Variants in E2F5 observed in about 807,000 individuals in gnomAD.
The protein encoded by E2F5 is transcription factor E2F5.
Under a neutral mutation model 39.1 loss-of-function variants are expected in E2F5, and 23 were observed. The observed-to-expected ratio is 0.59, with a 90% confidence interval of 0.42 to 0.83. The LOEUF (loss-of-function observed/expected upper bound fraction) is 0.83. E2F5 is among the 40% of genes least tolerant of loss of function. The probability of loss-of-function intolerance (pLI) is 0.00; values close to 1 mark genes in which losing one functional copy is unlikely to be tolerated. For missense variants in E2F5, 365 were observed against 406.7 expected (o/e 0.90, Z 0.88); for synonymous variants, 145 against 157.8 (o/e 0.92, Z 0.61).
intron 7 of E2F5, chr8:85,213,464 C>T: frequency 5.9e-6 from 1 of 170,392 alleles, no homozygotes; most frequent in South Asian, 1.2e-4. Context: ...ATGGCGTGAA[C>T]CCGGGAGTCG....
chr8:85,187,996 AT>A (rs2136044241), intron 1 of E2F5, among the ~76,000 whole-genome samples: 1 of 152,286 alleles, frequency 6.6e-6, no homozygotes, highest in South Asian at 2.1e-4. Context: ...ACAATGCGGT[AT>A]TTTAAGCTGA....
intron 1 of E2F5, among the ~76,000 whole-genome samples, chr8:85,182,911 G>A (rs955586849): frequency 1.3e-5 from 2 of 152,002 alleles, no homozygotes; most frequent in African/African-American, 2.4e-5. Flanking sequence ...ATGCATACCC[G>A]TTTATGAGCC....
chr8:85,203,054 G>A (rs1303808249), intron 2 of E2F5, 40 bp from the exon 3 acceptor site: 2 of 1,348,964 alleles, frequency 1.5e-6, no homozygotes, highest in Non-Finnish European at 1.9e-6. Context: ...TATTAACCTA[G>A]ATCTGATACT....
chr8:85,211,643 GTTTT>G (rs950695727), intron 6 of E2F5, among the ~76,000 whole-genome samples: 37 of 52,212 alleles, frequency 7.1e-4, no homozygotes, highest in African/African-American at 3.3e-3. Flanking sequence ...GTTTGTTGTT[GTTTT>G]TTTTTTTTTT....
intron 3 of E2F5, among the ~76,000 whole-genome samples, chr8:85,203,753 G>A (rs1032806534): frequency 1.3e-5 from 2 of 150,472 alleles, no homozygotes; most frequent in Non-Finnish European, 3.0e-5. Context: ...GAGAACAGGG[G>A]TCTAAGTCGT....
intron 3 of E2F5, among the ~76,000 whole-genome samples, chr8:85,204,827 A>G (rs1039722264): frequency 3.3e-5 from 5 of 152,156 alleles, no homozygotes; most frequent in Non-Finnish European, 1.5e-5. Flanking sequence ...CCTCTGCCTT[A>G]ATCATCCCAG....
chr8:85,178,566 GAAAC>G (rs569119984), intron 1 of E2F5, among the ~76,000 whole-genome samples: 69 of 152,292 alleles, frequency 4.5e-4, no homozygotes, highest in Admixed American at 1.3e-3. Flanking sequence ...TAAAGTTTTA[GAAAC>G]AAACAAACAA....
At chr8:85,181,022 C>T (rs938783578) in intron 1 of E2F5, among the ~76,000 whole-genome samples, 2 of 151,924 alleles carry the variant, frequency 1.3e-5, no homozygotes, top group Non-Finnish European at 2.9e-5. Context: ...GCACTACAGG[C>T]GTACACCATT....
intron 3 of E2F5, among the ~76,000 whole-genome samples, chr8:85,205,096 T>C (rs1361347711): frequency 1.3e-5 from 2 of 152,254 alleles, no homozygotes; most frequent in Middle Eastern, 3.4e-3. Flanking sequence ...CATAGGAGAA[T>C]TGCTTGAACC....
chr8:85,186,807 A>G (rs1812352606), intron 1 of E2F5, among the ~76,000 whole-genome samples: 1 of 147,980 alleles, frequency 6.8e-6, no homozygotes, highest in African/African-American at 2.5e-5. Flanking sequence ...TGATATGTAT[A>G]TATAAGGTGT....
chr8:85,186,672 T>C (rs1253509195), intron 1 of E2F5, among the ~76,000 whole-genome samples: 1 of 147,660 alleles, frequency 6.8e-6, no homozygotes, highest in Non-Finnish European at 1.5e-5. Flanking sequence ...ATGGTATATA[T>C]GTAAGGTATA....
intron 1 of E2F5, chr8:85,187,539 T>A (rs1812369369): frequency 6.6e-6 from 1 of 152,196 alleles, no homozygotes; most frequent in Non-Finnish European, 1.5e-5. Flanking sequence ...TATTATTATA[T>A]AGTGACCTTT....
At chr8:85,191,417 G>A (rs1392459008) in intron 1 of E2F5, among the ~76,000 whole-genome samples, 1 of 152,092 alleles carries the variant, frequency 6.6e-6, no homozygotes, top group Non-Finnish European at 1.5e-5. Context: ...TAAGAAAATA[G>A]AATTTGAGTG....
At chr8:85,205,145 T>C (rs1289907456) in intron 3 of E2F5, among the ~76,000 whole-genome samples, 1 of 151,946 alleles carries the variant, frequency 6.6e-6, no homozygotes, top group African/African-American at 2.4e-5. Flanking sequence ...ATCACACTAC[T>C]GCACTTCAGC....
chr8:85,179,930 G>T (rs879884249), intron 1 of E2F5, among the ~76,000 whole-genome samples: 2 of 152,158 alleles, frequency 1.3e-5, no homozygotes, highest in African/African-American at 2.4e-5. Flanking sequence ...AAAGTGCTGG[G>T]ATTACAGGCG....
Position 85,203,128 on chromosome 8 carries a change from A to G in E2F5, c.379A>G (p.Ile127Val). ...TGCTGGCTGTAATACTAAAGAAGTC[A>G]TAGATAGATTAAGATATCTTAAAGC... is the stretch of plus-strand genomic sequence containing the variant. ...VGAGCNTKEVIDRLRYLKAEI... is the reference protein window; with the variant it reads ...VGAGCNTKEVVDRLRYLKAEI... The change falls in exon 3 of 8, where the codon ATA (isoleucine) becomes GTA (valine). Residue 127 changes from isoleucine (I) to valine (V), a missense_variant. Physicochemically the swap from Ile to Val is conservative, Grantham distance 29 (BLOSUM62 3). Transcript: ENST00000416274. 6.3e-7 allele frequency: 1 copy of G among 1,587,194 alleles called. No individual in the cohort carries two copies. Among genetic ancestry groups the G allele is most frequent in the Non-Finnish European group, 8.6e-7 (1 of 1,166,252 alleles).
At chr8:85,190,957 A>C (rs1046991102) in intron 1 of E2F5, among the ~76,000 whole-genome samples, 1 of 152,188 alleles carries the variant, frequency 6.6e-6, no homozygotes, top group African/African-American at 2.4e-5. Context: ...TGAGCCAAGA[A>C]GTGTGATAGC....
intron 7 of E2F5, chr8:85,212,478 G>A: frequency 3.2e-6 from 1 of 314,394 alleles, no homozygotes; most frequent in Non-Finnish European, 5.9e-6. Context: ...TGAAGGATCT[G>A]GTCCAAGAAG....
chr8:85,187,899 G>A (rs1563977322), intron 1 of E2F5: 1 of 152,004 alleles, frequency 6.6e-6, no homozygotes, highest in Non-Finnish European at 1.5e-5. Flanking sequence ...TTGTTGTCTA[G>A]TGGTATGTTT....
Sources: gnomAD v4.1 joint callset for allele counts (sites outside exome capture counted in the v4.1 genomes callset) on GRCh38, gnomAD v4.1.1 for gene constraint, MANE v1.5 for transcripts, NCBI Gene and HGNC (gene_info 2026-07-23, HGNC 2026-07-21) for gene names.